The following INPP5D variants were observed in gnomAD, a reference collection of about 807,000 sequenced individuals.
INPP5D encodes phosphatidylinositol 3,4,5-trisphosphate 5-phosphatase 1.
Under a neutral mutation model 122.9 loss-of-function variants are expected in INPP5D, and 33 were observed. The observed-to-expected ratio is 0.27, with a 90% CI of 0.20 to 0.36. The LOEUF is 0.36. Among genes scored for constraint, INPP5D ranks in the 10% least tolerant of loss-of-function variants. INPP5D has a pLI of 1.00. For synonymous variants in INPP5D, 584 were observed against 576.2 expected (o/e 1.01, Z -0.19); for missense variants, 1,053 against 1,412.7 (o/e 0.75, Z 4.08).
chr2:233,095,602 A>G (rs1692114765), intron 2 of INPP5D, among the ~76,000 whole-genome samples: 1 of 141,956 alleles, frequency 7.0e-6, no homozygotes, highest in African/African-American at 2.6e-5. Context: ...AGGCAACAAG[A>G]TTGAAACTGT....
At chr2:233,132,999 C>T (rs1489562172) in intron 5 of INPP5D, among the ~76,000 whole-genome samples, 1 of 151,812 alleles carries the variant, frequency 6.6e-6, no homozygotes, top group African/African-American at 2.4e-5. Flanking sequence ...AGTGAGCCTC[C>T]CACCTCTCAG....
At position 233,126,014 on chromosome 2, in the gene INPP5D, C is replaced by CTG. The variant is rs1310831751; in HGVS notation, c.524+96_524+97dup. 7 of 1,245,978 alleles carry CTG rather than the reference C, an allele frequency of 5.6e-6. No individual in the cohort carries two copies. The Admixed American group carries it at 1.8e-4, about 31-fold the overall frequency. 77.2% of individuals were successfully genotyped at this position (1,245,978 alleles called of 1,614,324 possible). ...TTGGGTTTCGATCCTAGTTATGGGC[C>CTG]TGGTGACCAGAGGGAGATGGGGAGG... On this transcript the variant is annotated intron_variant, in intron 4 of 26. Transcript: ENST00000445964.
At chr2:233,108,031 GT>G in intron 2 of INPP5D, among the ~76,000 whole-genome samples, 1 of 152,272 alleles carries the variant, frequency 6.6e-6, no homozygotes, top group Admixed American at 6.5e-5. Context: ...GCCAGTGCCA[GT>G]TTCCCCCCTC....
intron 2 of INPP5D, among the ~76,000 whole-genome samples, chr2:233,092,241 T>C (rs1244168056): frequency 6.6e-6 from 1 of 152,242 alleles, no homozygotes; most frequent in Non-Finnish European, 1.5e-5. Flanking sequence ...AGGCAGCTTC[T>C]CTCCAGGCTG....
At position 233,125,853 on chromosome 2, in the gene INPP5D, C is replaced by A; in HGVS notation, c.458C>A (p.Thr153Asn). 1 of 1,613,832 alleles carries A rather than the reference C, an allele frequency of 6.2e-7. No individual in the cohort carries two copies. The highest frequency in any genetic ancestry group is 1.6e-4 in the Middle Eastern group (1 of 6,062). Residue 153 changes from threonine to asparagine, a missense_variant, in exon 4 of 27, where the codon ACC (threonine) becomes AAC (asparagine). By Grantham distance (65) the Thr-to-Asn change is moderately conservative (BLOSUM62 0). Coordinates refer to ENST00000445964, the MANE Select transcript of INPP5D (RefSeq NM_001017915.3). ...TTTTCAAACGAGAATCCCCGAGCGA[C>A]CGAGACCAGCCGGCCGAGCCTCTCC... is the stretch of plus-strand genomic sequence containing the variant. Reference protein sequence around the residue: ...VPFSNENPRATETSRPSLSET... With the variant: ...VPFSNENPRANETSRPSLSET...
chr2:233,122,055 C>T, intron 2 of INPP5D, 52 bp from the exon 3 acceptor site: 5 of 1,601,014 alleles, frequency 3.1e-6, no homozygotes, highest in South Asian at 1.1e-5. Flanking sequence ...TTGTGGTTGG[C>T]TGACATTCTA....
At chr2:233,196,229 C>A (rs1253756177) in intron 24 of INPP5D, among the ~76,000 whole-genome samples, 1 of 152,190 alleles carries the variant, frequency 6.6e-6, no homozygotes, top group Non-Finnish European at 1.5e-5. Flanking sequence ...GAAGCTCCAG[C>A]CCAGGAGAGG....
intron 4 of INPP5D, among the ~76,000 whole-genome samples, chr2:233,127,968 C>T (rs1693212196): frequency 6.6e-6 from 1 of 152,184 alleles, no homozygotes; most frequent in South Asian, 2.1e-4. Flanking sequence ...ATCAAAGTCA[C>T]AAGGCAATAG....
At chr2:233,202,710 C>T (rs189573847) in intron 25 of INPP5D, among the ~76,000 whole-genome samples, 9 of 152,264 alleles carry the variant, frequency 5.9e-5, no homozygotes, top group Non-Finnish European at 1.3e-4. Context: ...GAACACTCCC[C>T]TGGGAGATTC....
rs548617362 is a variant in INPP5D at position 233,100,056 on chromosome 2, G to T, written c.198+20658G>T. Among the ~76,000 whole-genome samples, 4 of 152,242 alleles carry T rather than the reference G, an allele frequency of 2.6e-5. No homozygotes were observed. The highest frequency in any genetic ancestry group is 9.6e-5 in the African/African-American group (4 of 41,526). ...CGCCATAATTCAATCACCTCCCACC[G>T]GGTTCCTCCCACGACACGTGGGAAT... is the stretch of plus-strand genomic sequence containing the variant. On this transcript the variant is annotated intron_variant, in intron 2 of 26. Transcript: ENST00000445964. The surrounding 1 kb of genome is among the most constrained non-coding windows in gnomAD (Gnocchi z 5.3).
intron 4 of INPP5D, among the ~76,000 whole-genome samples, chr2:233,127,711 T>G (rs1693203875): frequency 6.6e-6 from 1 of 151,970 alleles, no homozygotes; most frequent in African/African-American, 2.4e-5. Context: ...CGGGTTCAAG[T>G]GATTCTCCTG....
In INPP5D at chr2:233,082,862, C is replaced by A. The variant is rs190236570; in HGVS notation, c.198+3464C>A. Among the ~76,000 whole-genome samples the A allele has an allele frequency of 1.7e-3, 265 of 152,354 alleles. 4 individuals carry two copies. The highest frequency in any genetic ancestry group is 0.016 in the Admixed American group (238 of 15,302). ...TCACAGCCAGGCCTCCCGGCCTCCC[C>A]GGCTAAGCTTTCTTCCTTCCAATCC... On this transcript the variant is annotated intron_variant, in intron 2 of 26. Coordinates refer to ENST00000445964, the MANE Select transcript of INPP5D (RefSeq NM_001017915.3). The surrounding 1 kb of genome is among the most constrained non-coding windows in gnomAD (Gnocchi z 4.7).
chr2:233,096,808 G>C (rs1398435427), intron 2 of INPP5D, among the ~76,000 whole-genome samples: 3 of 151,744 alleles, frequency 2.0e-5, no homozygotes, highest in African/African-American at 7.3e-5. Flanking sequence ...TAATTTTGGG[G>C]GTAAGTTATA....
At chr2:233,156,113 C>G (rs138923135) in intron 9 of INPP5D, among the ~76,000 whole-genome samples, 1 of 152,116 alleles carries the variant, frequency 6.6e-6, no homozygotes. Context: ...AGCCTGAGAC[C>G]TGAGTGTCAG....
chr2:233,065,307 GTTTTT>G (rs376982879), intron 1 of INPP5D, among the ~76,000 whole-genome samples: 2,048 of 116,958 alleles, frequency 0.018, 50 homozygotes, highest in African/African-American at 0.065. Flanking sequence ...CACTTCTTGG[GTTTTT>G]TTTTTTTTTT....
At chr2:233,073,190 G>C (rs1036406509) in intron 1 of INPP5D, among the ~76,000 whole-genome samples, 1 of 152,186 alleles carries the variant, frequency 6.6e-6, no homozygotes, top group Non-Finnish European at 1.5e-5. Context: ...GGTCTCGCTG[G>C]GGGAGGGGAG....
At position 233,125,725 on chromosome 2, in the gene INPP5D, C is replaced by A; in HGVS notation, c.350-20C>A. On this transcript the variant is annotated intron_variant, in intron 3 of 26. Transcript: ENST00000445964. ...TGCGCACAGTGTCCTCACCAATGGC[C>A]TTCCTGCTGTTCTCTCCAGTAGAAA... The A allele has an allele frequency of 3.7e-6, 6 of 1,605,328 alleles. 1 individual carries two copies. In the South Asian group the frequency reaches 6.7e-5, roughly 18 times the overall value.
In INPP5D at chr2:233,137,874, A is replaced by G. The variant is rs1427917159; in HGVS notation, c.666-1968A>G. On this transcript the variant is annotated intron_variant, in intron 5 of 26. Transcript: ENST00000445964. ...AAAAAATATATATATATATATATATATATATATATATATATATATATATAC... is the reference window on the plus strand; with the variant it reads ...AAAAAATATATATATATATATATATGTATATATATATATATATATATATAC... Among the ~76,000 whole-genome samples, 2 of 65,148 alleles carry G rather than the reference A, an allele frequency of 3.1e-5. 1 individual carries two copies. Among genetic ancestry groups the G allele is most frequent in the Admixed American group, 3.5e-4 (2 of 5,792 alleles). The allele number at this position is 65,148 out of a possible 152,430, so 42.7% of individuals were successfully genotyped here.
rs1166458070 is a variant in INPP5D, at chr2:233,170,402, C to T, written c.1792-94C>T. ...ACCCTGCCACCATCACTCTGCAGCCCGGGTCATCCAGCTGCCCGCCCCCAG... is the reference window on the plus strand; with the variant it reads ...ACCCTGCCACCATCACTCTGCAGCCTGGGTCATCCAGCTGCCCGCCCCCAG... On this transcript the variant is annotated intron_variant, in intron 15 of 26. Transcript: ENST00000445964. This position sits in a 1 kb window ranked among gnomAD's most constrained non-coding sequence, Gnocchi z 4.5. 15 of 1,559,400 alleles carry T rather than the reference C, an allele frequency of 9.6e-6. No individual in the cohort carries two copies. The highest frequency in any genetic ancestry group is 7.1e-5 in the South Asian group (6 of 84,248).
Sources: gnomAD v4.1 joint callset for allele counts (sites outside exome capture counted in the v4.1 genomes callset) on GRCh38, gnomAD v4.1.1 for gene constraint, Gnocchi (gnomAD v3.1) non-coding constraint, MANE v1.5 for transcripts, NCBI Gene and HGNC (gene_info 2026-07-23, HGNC 2026-07-21) for gene names.